The following PRKN variants were observed in gnomAD, a reference collection of about 807,000 sequenced individuals.
The protein encoded by PRKN is E3 ubiquitin-protein ligase parkin.
A neutral mutation model predicts 59.5 loss-of-function variants in PRKN; 56 were observed. The ratio of observed to expected loss-of-function variants is 0.94; its 90% CI spans 0.76 to 1.18. The LOEUF is 1.18. PRKN is among the 50% of genes most tolerant of loss of function. The pLI, the probability that PRKN is intolerant of heterozygous loss-of-function variation, is 0.00. For synonymous variants in PRKN, 250 were observed against 222.1 expected (o/e 1.13, Z -1.12); for missense variants, 657 against 596.4 (o/e 1.10, Z -1.06).
intron 9 of PRKN, among the ~76,000 whole-genome samples, chr6:161,450,803 C>CCCG (rs1391285708): frequency 6.6e-6 from 1 of 152,196 alleles, no homozygotes; most frequent in East Asian, 1.9e-4. Context: ...GATCTGCCCA[C>CCCG]CCTGGCCTCC....
intron 6 of PRKN, among the ~76,000 whole-genome samples, chr6:161,972,835 C>T (rs1451367612): frequency 1.3e-5 from 2 of 152,160 alleles, no homozygotes; most frequent in African/African-American, 4.8e-5. Context: ...AGTTCAAGAC[C>T]AGCCTGGCCA....
intron 6 of PRKN, among the ~76,000 whole-genome samples, chr6:161,873,378 G>A (rs1794423185): frequency 6.6e-6 from 1 of 151,900 alleles, no homozygotes; most frequent in African/African-American, 2.4e-5. Context: ...TGGAAACTAT[G>A]CAAGCATGAA....
chr6:162,349,484 A>C (rs1208250071), intron 2 of PRKN, among the ~76,000 whole-genome samples: 1 of 152,066 alleles, frequency 6.6e-6, no homozygotes, highest in Non-Finnish European at 1.5e-5. Flanking sequence ...CAAATAAACA[A>C]ACAAAAAATG....
At chr6:161,511,235 G>A (rs924924575) in intron 9 of PRKN, among the ~76,000 whole-genome samples, 1 of 152,218 alleles carries the variant, frequency 6.6e-6, no homozygotes, top group South Asian at 2.1e-4. Context: ...GGCACTGCAG[G>A]AGCAGTTCAA....
intron 6 of PRKN, among the ~76,000 whole-genome samples, chr6:161,812,470 A>G (rs954528603): frequency 1.3e-5 from 2 of 152,210 alleles, no homozygotes; most frequent in Admixed American, 1.3e-4. Context: ...CATACAAATC[A>G]TCTGTCTGAG....
At chr6:162,380,433 GTATATATATATATGTATA>G (rs1786379588) in intron 2 of PRKN, among the ~76,000 whole-genome samples, 2 of 121,496 alleles carry the variant, frequency 1.6e-5, no homozygotes, top group Non-Finnish European at 3.4e-5. Context: ...ATATATGTGT[GTATATATATATATGTATA>G]TATACACACA....
intron 7 of PRKN, among the ~76,000 whole-genome samples, chr6:161,622,352 GT>G (rs1782937014): frequency 6.6e-6 from 1 of 152,116 alleles, no homozygotes; most frequent in Admixed American, 6.5e-5. Flanking sequence ...GGTAGGCTCC[GT>G]TTGCTCAGTA....
At chr6:162,097,713 C>G (rs1779803071) in intron 4 of PRKN, among the ~76,000 whole-genome samples, 1 of 152,132 alleles carries the variant, frequency 6.6e-6, no homozygotes, top group Non-Finnish European at 1.5e-5. Flanking sequence ...CTTGTTTATT[C>G]ACAAATTTTA....
chr6:162,283,336 G>A (rs1781007494), intron 2 of PRKN, among the ~76,000 whole-genome samples: 1 of 152,134 alleles, frequency 6.6e-6, no homozygotes, highest in South Asian at 2.1e-4. Context: ...CAGAGATGCT[G>A]GAAATCATAT....
chr6:161,462,482 T>C lies in PRKN; in HGVS notation c.1084-75605A>G, dbSNP rs994974405. ...TTAGTTATATGGCCCAAAGCAAAGA[T>C]AAGATGGTTAGTATGTTTGACCAGT... On this transcript the variant is annotated intron_variant, in intron 9 of 11. Transcript: ENST00000366898. This position sits in a 1 kb window ranked among gnomAD's most constrained non-coding sequence, Gnocchi z 4.5. Among the ~76,000 whole-genome samples, 2 of 152,204 alleles carry C rather than the reference T, an allele frequency of 1.3e-5. No homozygotes were observed. The highest frequency in any genetic ancestry group is 4.8e-5 in the African/African-American group (2 of 41,452).
Position 161,538,637 on chromosome 6 carries a change from C to T in PRKN, c.1083+10217G>A, listed in dbSNP as rs1277054517. Reference sequence around the variant, plus strand: ...TAGAATCCTGGGGCCCACTGAGATGCCAAGCGGAGAAGGAGGAAAAATGGC... The same window carrying T: ...TAGAATCCTGGGGCCCACTGAGATGTCAAGCGGAGAAGGAGGAAAAATGGC... On this transcript the variant is annotated intron_variant, in intron 9 of 11. Transcript: ENST00000366898. This position sits in a 1 kb window ranked among gnomAD's most constrained non-coding sequence, Gnocchi z 4.2. 6.6e-6 allele frequency among the ~76,000 whole-genome samples: 1 copy of T among 152,038 alleles called. No individual in the cohort carries two copies. The highest frequency in any genetic ancestry group is 1.5e-5 in the Non-Finnish European group (1 of 68,012).
At chr6:162,425,916 A>G (rs552073190) in intron 2 of PRKN, among the ~76,000 whole-genome samples, 10 of 152,362 alleles carry the variant, frequency 6.6e-5, no homozygotes, top group East Asian at 1.9e-4. Context: ...AGCTGAACGC[A>G]TGGATGTGAT....
At position 161,350,079 on chromosome 6, in the gene PRKN, G is replaced by A. The variant is rs1484272633; in HGVS notation, c.*20C>T. The A allele has an allele frequency of 2.0e-6, 3 of 1,518,144 alleles. No homozygotes were observed. The Admixed American group carries it at 5.0e-5, about 25-fold the overall frequency. 94.0% of individuals were successfully genotyped at this position (1,518,144 alleles called of 1,614,324 possible). On this transcript the variant is annotated 3_prime_UTR_variant, in exon 12 of 12. Coordinates refer to ENST00000366898, the MANE Select transcript of PRKN (RefSeq NM_004562.3). The stretch of plus-strand genomic sequence containing the variant: ...GTATGCTCCCCCAGGATGTGGCGAT[G>A]GGGCGCCCGGCCGCCCTGGCTACAC...
At chr6:161,823,023 C>T (rs1474346407) in intron 6 of PRKN, among the ~76,000 whole-genome samples, 11 of 151,950 alleles carry the variant, frequency 7.2e-5, no homozygotes, top group African/African-American at 1.9e-4. Flanking sequence ...CAGCCTTGAC[C>T]GCTTGGGCTC....
chr6:162,549,597 G>A lies in PRKN; in HGVS notation c.8-106124C>T, dbSNP rs149147313. Among the ~76,000 whole-genome samples, 174 of 152,072 alleles carry A rather than the reference G, an allele frequency of 1.1e-3. 7 individuals carry two copies. In the East Asian group the frequency reaches 0.027, roughly 24 times the overall value. ...ATTGAGTAGATAACAGCCTAGCAGG[G>A]GAGGTAGAAAGACAAAACTAATAGT... On this transcript the variant is annotated intron_variant, in intron 1 of 11. Coordinates refer to ENST00000366898, the MANE Select transcript of PRKN (RefSeq NM_004562.3).
chr6:162,477,171 T>C (rs1792063153), intron 1 of PRKN, among the ~76,000 whole-genome samples: 1 of 152,210 alleles, frequency 6.6e-6, no homozygotes, highest in South Asian at 2.1e-4. Context: ...TTTTGGTGTC[T>C]ATTTTCCTGA....
rs141125307 is a variant in PRKN, at chr6:161,677,237, T to C, written c.872-107821A>G. ...CCGATCTGGAAAAGTAGGAGTGATATAGAAGAGAATCAATAGTTCTCTACA... is the reference window on the plus strand; with the variant it reads ...CCGATCTGGAAAAGTAGGAGTGATACAGAAGAGAATCAATAGTTCTCTACA... On this transcript the variant is annotated intron_variant, in intron 7 of 11. Coordinates refer to ENST00000366898, the MANE Select transcript of PRKN (RefSeq NM_004562.3). Among the ~76,000 whole-genome samples the C allele has an allele frequency of 4.3e-3, 659 of 151,744 alleles. 3 individuals are homozygous for C. The highest frequency in any genetic ancestry group is 0.015 in the African/African-American group (627 of 41,376).
At chr6:162,724,585 A>T (rs1779054752) in intron 1 of PRKN, among the ~76,000 whole-genome samples, 1 of 152,202 alleles carries the variant, frequency 6.6e-6, no homozygotes, top group South Asian at 2.1e-4. Context: ...GAAATTAAAG[A>T]ACAATAAAAT....
intron 7 of PRKN, among the ~76,000 whole-genome samples, chr6:161,721,689 G>A (rs563776979): frequency 6.6e-6 from 1 of 152,158 alleles, no homozygotes; most frequent in Non-Finnish European, 1.5e-5. Context: ...GGGGCTGCGT[G>A]GATGGCCCGT....
Sources: gnomAD v4.1 joint callset for allele counts (sites outside exome capture counted in the v4.1 genomes callset) on GRCh38, gnomAD v4.1.1 for gene constraint, Gnocchi (gnomAD v3.1) non-coding constraint, MANE v1.5 for transcripts, NCBI Gene and HGNC (gene_info 2026-07-23, HGNC 2026-07-21) for gene names.